The following STAB2 variants were observed in gnomAD, a reference collection of about 807,000 sequenced individuals.
The protein encoded by STAB2 is stabilin-2.
STAB2 carries 288 observed loss-of-function variants against 338.1 expected under a neutral mutation model. That is an observed-to-expected ratio of 0.85 (90% CI 0.77 to 0.94). STAB2 has a LOEUF of 0.94. Ranked by LOEUF, STAB2 falls within the 40% of genes least tolerant of loss-of-function variation. The pLI, the probability that STAB2 is intolerant of heterozygous loss-of-function variation, is 0.00. For missense variants in STAB2, 3,141 were observed against 3,210.1 expected (o/e 0.98, Z 0.52); for synonymous variants, 1,202 against 1,193.3 (o/e 1.01, Z -0.15).
intron 39 of STAB2, among the ~76,000 whole-genome samples, chr12:103,708,850 A>T (rs1181948666): frequency 1.3e-5 from 2 of 151,914 alleles, no homozygotes; most frequent in Admixed American, 6.6e-5. Flanking sequence ...TCCACTTCAC[A>T]ATATATATAT....
At chr12:103,597,894 T>C (rs1043179043) in intron 3 of STAB2, among the ~76,000 whole-genome samples, 2 of 152,188 alleles carry the variant, frequency 1.3e-5, no homozygotes, top group African/African-American at 4.8e-5. Context: ...CAAAACAATC[T>C]GATTATTTCA....
chr12:103,649,115 C>T (rs560396255), intron 10 of STAB2, among the ~76,000 whole-genome samples: 14 of 152,306 alleles, frequency 9.2e-5, no homozygotes, highest in African/African-American at 3.1e-4. Context: ...AACAGGACAG[C>T]TACTGATGTG....
chr12:103,597,294 G>A lies in STAB2; in HGVS notation c.331+2784G>A, dbSNP rs115136049. ...ATAAGGCCATTTCAGAGCTGCTGAC[G>A]TGGGTCTATCCTTCTTTCTGAGGAA... On this transcript the variant is annotated intron_variant, in intron 3 of 68. Transcript: ENST00000388887. Among the ~76,000 whole-genome samples the A allele has an allele frequency of 3.7e-3, 557 of 152,300 alleles. 6 individuals are homozygous for A. The highest frequency in any genetic ancestry group is 0.013 in the African/African-American group (534 of 41,572).
chr12:103,598,063 G>T (rs1166133304), intron 3 of STAB2, among the ~76,000 whole-genome samples: 1 of 152,066 alleles, frequency 6.6e-6, no homozygotes, highest in Non-Finnish European at 1.5e-5. Flanking sequence ...AGACCACAAG[G>T]ATTTGAAACC....
chr12:103,654,729 C>T (rs769502242), intron 13 of STAB2, 31 bp downstream of exon 13: 21 of 1,605,962 alleles, frequency 1.3e-5, no homozygotes, highest in Non-Finnish European at 1.7e-5. Context: ...CACATCAGGC[C>T]AGGTCCATCT....
chr12:103,605,829 T>C (rs1274358155), intron 3 of STAB2, among the ~76,000 whole-genome samples: 3 of 152,066 alleles, frequency 2.0e-5, no homozygotes, highest in African/African-American at 7.2e-5. Context: ...TTCTCTCCTT[T>C]ACCTTTAACA....
At chr12:103,643,679 G>A (rs972164124) in intron 9 of STAB2, among the ~76,000 whole-genome samples, 1 of 151,990 alleles carries the variant, frequency 6.6e-6, no homozygotes, top group African/African-American at 2.4e-5. Flanking sequence ...CTGTGCTTCA[G>A]TTTCCTTATC....
intron 5 of STAB2, among the ~76,000 whole-genome samples, chr12:103,627,746 A>G (rs1413909852): frequency 6.6e-6 from 1 of 152,248 alleles, no homozygotes; most frequent in Non-Finnish European, 1.5e-5. Context: ...CCAGGAGGGC[A>G]ATCTTAGTGA....
At chr12:103,683,349 A>G in intron 26 of STAB2, 49 bp downstream of exon 26, 1 of 1,333,428 alleles carries the variant, frequency 7.5e-7, no homozygotes, top group Non-Finnish European at 1.0e-6. Context: ...AAAAAAAAAC[A>G]ATGCTTGAGA....
intron 9 of STAB2, among the ~76,000 whole-genome samples, chr12:103,647,333 A>AC (rs545968246): frequency 3.9e-4 from 60 of 152,352 alleles, no homozygotes; most frequent in African/African-American, 1.4e-3. Context: ...AACCATAAAA[A>AC]AAAAAGAGTG....
At chr12:103,730,349 C>A in intron 49 of STAB2, 93 bp downstream of exon 49, 2 of 1,388,668 alleles carry the variant, frequency 1.4e-6, no homozygotes, top group Non-Finnish European at 2.0e-6. Flanking sequence ...GAAACATTTT[C>A]TTTTTCTGCT....
intron 3 of STAB2, among the ~76,000 whole-genome samples, chr12:103,607,831 G>A (rs1270599597): frequency 2.6e-5 from 4 of 152,166 alleles, no homozygotes. Context: ...ATTGTGAATA[G>A]TGCCGCAATA....
Position 103,689,209 on chromosome 12 carries a change from G to A in STAB2, c.3046-637G>A, listed in dbSNP as rs143967679. On this transcript the variant is annotated intron_variant, in intron 28 of 68. Transcript: ENST00000388887. Reference sequence around the variant, plus strand: ...CCAAGAATACTCAAGGTGGCTGGGCGCAGTGGCTCATGCCTGTAATCCCAG... The same window carrying A: ...CCAAGAATACTCAAGGTGGCTGGGCACAGTGGCTCATGCCTGTAATCCCAG... Among the ~76,000 whole-genome samples, 11 of 152,244 alleles carry A rather than the reference G, an allele frequency of 7.2e-5. No homozygotes were observed. In the East Asian group the frequency reaches 1.9e-3, roughly 27 times the overall value.
At chr12:103,698,780 C>G (rs1417040820) in intron 33 of STAB2, among the ~76,000 whole-genome samples, 2 of 152,174 alleles carry the variant, frequency 1.3e-5, no homozygotes, top group Non-Finnish European at 2.9e-5. Flanking sequence ...TGTGGGGACT[C>G]TAACTTCTCA....
At chr12:103,667,559 G>A (rs1321749962) in intron 19 of STAB2, among the ~76,000 whole-genome samples, 2 of 152,088 alleles carry the variant, frequency 1.3e-5, no homozygotes, top group African/African-American at 2.4e-5. Context: ...AAAAGAAAGG[G>A]AAATTAGACA....
chr12:103,630,185 A>G (rs1957437821), intron 5 of STAB2, among the ~76,000 whole-genome samples: 1 of 152,222 alleles, frequency 6.6e-6, no homozygotes, highest in Non-Finnish European at 1.5e-5. Context: ...GTATCATGCT[A>G]CTGCAATAGT....
In STAB2 at chr12:103,745,187, GACCA is replaced by G; in HGVS notation, c.6047_6050del (p.Asp2016AlafsTer108). The G allele has an allele frequency of 6.2e-7, 1 of 1,613,904 alleles. No individual in the cohort carries two copies. ...TTTGTTTACAGCCTGTGGCTGCTCAGACCACGGACAGTGCGATGATGGCATCACG... is the reference window on the plus strand; with the variant it reads ...TTTGTTTACAGCCTGTGGCTGCTCAGCGGACAGTGCGATGATGGCATCACG... On this transcript the variant is annotated frameshift_variant, in exon 57 of 69. Coordinates refer to ENST00000388887, the MANE Select transcript of STAB2 (RefSeq NM_017564.10). LOFTEE classifies it high-confidence loss of function.
At position 103,740,685 on chromosome 12, in the gene STAB2, G is replaced by A. The variant is rs1176813805; in HGVS notation, c.5810G>A (p.Cys1937Tyr). ...NLPFKRNLEG[C>Y]RERCSLVIQI... The stretch of plus-strand genomic sequence containing the variant: ...CCCTTCAAGAGGAACCTGGAAGGCT[G>A]CCGGGAGCGGTGCAGCCTGGTGATA... The change falls in exon 55 of 69, where the codon TGC (cysteine) becomes TAC (tyrosine). Residue 1937 changes from cysteine to tyrosine, a missense_variant. Transcript: ENST00000388887. The A allele has an allele frequency of 6.2e-7, 1 of 1,611,506 alleles. No homozygotes were observed.
Position 103,662,885 on chromosome 12 carries a change from G to A in STAB2, c.1909G>A (p.Glu637Lys). 1 of 1,614,166 alleles carries A rather than the reference G, an allele frequency of 6.2e-7. No homozygotes were observed. Among genetic ancestry groups the A allele is most frequent in the Admixed American group, 1.7e-5 (1 of 60,018 alleles). Residue 637 changes from glutamate (E) to lysine (K), a missense_variant, in exon 18 of 69, where the codon GAG (glutamate) becomes AAG (lysine). By Grantham distance (56) the Glu-to-Lys change is moderately conservative (BLOSUM62 1). Coordinates refer to ENST00000388887, the MANE Select transcript of STAB2 (RefSeq NM_017564.10). ...AAATGATGTGGCAATGGAAGAAATT[G>A]AGATCACTGCCAAAAATGGCCGAAT... ...LANDVAMEEI[E>K]ITAKNGRIYT... is the part of the protein sequence containing the mutation.
Sources: gnomAD v4.1 joint callset for allele counts (sites outside exome capture counted in the v4.1 genomes callset) on GRCh38, gnomAD v4.1.1 for gene constraint, MANE v1.5 for transcripts, NCBI Gene and HGNC (gene_info 2026-07-23, HGNC 2026-07-21) for gene names.